Variants in FUBP3 observed in about 807,000 individuals in gnomAD.
FUBP3 encodes far upstream element-binding protein 3.
Under a neutral mutation model 85.6 loss-of-function variants are expected in FUBP3, and 28 were observed. The observed-to-expected ratio is 0.33, with a 90% CI of 0.24 to 0.45. FUBP3 has a LOEUF of 0.45. FUBP3 is among the 20% of genes least tolerant of loss of function. The pLI, the probability that FUBP3 is intolerant of heterozygous loss-of-function variation, is 1.00. For missense variants in FUBP3, 583 were observed against 755.1 expected (o/e 0.77, Z 2.67); for synonymous variants, 271 against 271.4 (o/e 1.00, Z 0.01).
intron 6 of FUBP3, among the ~76,000 whole-genome samples, chr9:130,614,915 T>A (rs1407214115): frequency 6.6e-6 from 1 of 152,164 alleles, no homozygotes; most frequent in Admixed American, 6.5e-5. Flanking sequence ...CTCAGAACCT[T>A]ATACCAGGTG....
chr9:130,599,952 T>G (rs1231377381), intron 2 of FUBP3, among the ~76,000 whole-genome samples: 1 of 152,070 alleles, frequency 6.6e-6, no homozygotes, highest in Non-Finnish European at 1.5e-5. Flanking sequence ...GTCTCCTCTC[T>G]CCCCTCACCC....
intron 1 of FUBP3, among the ~76,000 whole-genome samples, chr9:130,591,998 G>A (rs1409202363): frequency 6.6e-6 from 1 of 152,162 alleles, no homozygotes; most frequent in Non-Finnish European, 1.5e-5. Context: ...TTGGGAGGCC[G>A]AAGCAGGTGG....
At chr9:130,606,724 G>A (rs1831471135) in intron 2 of FUBP3, among the ~76,000 whole-genome samples, 1 of 152,064 alleles carries the variant, frequency 6.6e-6, no homozygotes. Flanking sequence ...GGAAGCTGAG[G>A]TAGGAGAATC....
At chr9:130,614,416 CAACACTGTTACTG>C (rs1310733314) in intron 6 of FUBP3, 71 bp downstream of exon 6, 2 of 933,820 alleles carry the variant, frequency 2.1e-6, no homozygotes, top group African/African-American at 3.2e-5. Context: ...AATGGAAGGG[CAACACTGTTACTG>C]AACACTGAGT....
intron 2 of FUBP3, among the ~76,000 whole-genome samples, chr9:130,599,930 G>C (rs1831070080): frequency 6.6e-6 from 1 of 152,036 alleles, no homozygotes; most frequent in African/African-American, 2.4e-5. Context: ...CTGTGTAGCA[G>C]CCTGGCTGCC....
intron 2 of FUBP3, among the ~76,000 whole-genome samples, chr9:130,609,131 C>A (rs906022708): frequency 3.9e-5 from 6 of 152,172 alleles, no homozygotes; most frequent in Non-Finnish European, 8.8e-5. Flanking sequence ...TCCTGAGCTG[C>A]ATTTTCCAAA....
chr9:130,627,526 G>A (rs185211916), intron 12 of FUBP3, among the ~76,000 whole-genome samples: 25 of 152,328 alleles, frequency 1.6e-4, no homozygotes, highest in African/African-American at 3.8e-4. Context: ...AGCTGCCCTC[G>A]TCCCTGCTCA....
intron 1 of FUBP3, among the ~76,000 whole-genome samples, chr9:130,594,108 T>C (rs953722617): frequency 1.3e-5 from 2 of 152,128 alleles, no homozygotes; most frequent in South Asian, 2.1e-4. Flanking sequence ...CATTAAAGTT[T>C]ATAGGATGGG....
chr9:130,629,304 C>T (rs1446960057), intron 12 of FUBP3, among the ~76,000 whole-genome samples: 1 of 152,122 alleles, frequency 6.6e-6, no homozygotes, highest in African/African-American at 2.4e-5. Context: ...TCCAGCGGGA[C>T]CTTAAGGAAA....
rs1163408201 is a variant in FUBP3 at position 130,612,994 on chromosome 9, G to A, written c.313G>A (p.Ala105Thr). The A allele has an allele frequency of 8.1e-6, 13 of 1,612,934 alleles. No homozygotes were observed. In the East Asian group the frequency reaches 2.9e-4, roughly 36 times the overall value. The change falls in exon 5 of 19, where the codon GCA becomes ACA. Residue 105 changes from alanine (A) to threonine (T), a missense_variant. Transcript: ENST00000319725. This position sits in a 1 kb window ranked among gnomAD's most constrained non-coding sequence, Gnocchi z 4.1. The part of the protein sequence containing the change: ...RGGEQISRIQ[A>T]ESGCKIQIAS... ...AGGTGAGCAGATTTCACGGATTCAA[G>A]CAGAATCTGGTTGCAAAATTCAGAT...
chr9:130,590,406 G>A (rs1478497961), intron 1 of FUBP3, among the ~76,000 whole-genome samples: 1 of 152,146 alleles, frequency 6.6e-6, no homozygotes, highest in Non-Finnish European at 1.5e-5. Flanking sequence ...CTAACTACTG[G>A]TAGTTAAGTG....
At chr9:130,586,305 TA>T (rs768518238) in intron 1 of FUBP3, among the ~76,000 whole-genome samples, 3 of 152,262 alleles carry the variant, frequency 2.0e-5, no homozygotes, top group Non-Finnish European at 4.4e-5. Context: ...AGTGCAAAGA[TA>T]AGTAAGACAA....
chr9:130,582,112 G>A (rs560117999), intron 1 of FUBP3: 20 of 152,302 alleles, frequency 1.3e-4, no homozygotes, highest in African/African-American at 4.8e-4. Flanking sequence ...GTGAGTTAAT[G>A]TTTGGCACAA....
rs201274970 is a variant in FUBP3, at chr9:130,595,563, A to G, written c.165A>G (p.Val55=). The G allele has an allele frequency of 9.3e-4, 1,456 of 1,557,578 alleles. 2 individuals are homozygous for G. Among genetic ancestry groups the G allele is most frequent in the Non-Finnish European group, 1.2e-3 (1,391 of 1,128,460 alleles). ...LVDPSVYGYG[V]QKRPLDDGVG... ...ACCCCTCAGTATATGGATACGGAGT[A>G]CAAAAACGGCCCTTGGATGATGGAG... The change falls in exon 2 of 19, where the codon GTA becomes GTG. Residue 55 remains valine, a synonymous_variant. Coordinates refer to ENST00000319725, the MANE Select transcript of FUBP3 (RefSeq NM_003934.2).
At chr9:130,632,118 G>A in intron 15 of FUBP3, 84 bp from the exon 16 acceptor site, 1 of 1,440,704 alleles carries the variant, frequency 6.9e-7, no homozygotes, top group Non-Finnish European at 9.8e-7. Flanking sequence ...GCTTGGCTGG[G>A]GTGAGGGAGG....
At chr9:130,605,123 A>G (rs947970421) in intron 2 of FUBP3, among the ~76,000 whole-genome samples, 3 of 152,204 alleles carry the variant, frequency 2.0e-5, no homozygotes, top group African/African-American at 7.2e-5. Flanking sequence ...GGCGTAAATG[A>G]AAGTAAAGCT....
rs35428077 is a variant in FUBP3 at position 130,622,630 on chromosome 9, CAAAAAA to C, written c.772-68_772-63del. ...TGGGCAACAGAGCGAGACTCAGTCT[CAAAAAA>C]AAAAAAAAAGTGCCCTTTAAAAAGA... is the stretch of plus-strand genomic sequence containing the variant. On this transcript the variant is annotated intron_variant, in intron 9 of 18. Coordinates refer to ENST00000319725, the MANE Select transcript of FUBP3 (RefSeq NM_003934.2). The C allele has an allele frequency of 3.0e-5, 15 of 507,836 alleles. No homozygotes were observed. In the South Asian group the frequency reaches 4.2e-4, roughly 14 times the overall value. The allele number at this position is 507,836 out of a possible 1,614,324, so 31.5% of individuals were successfully genotyped here.
intron 13 of FUBP3, 72 bp from the exon 14 acceptor site, chr9:130,631,485 C>G: frequency 6.9e-7 from 1 of 1,442,598 alleles, no homozygotes; most frequent in South Asian, 1.2e-5. Flanking sequence ...GGCTTTGCCT[C>G]GGGGTGGGCC....
intron 1 of FUBP3, among the ~76,000 whole-genome samples, chr9:130,582,470 GAAAA>G (rs879508622): frequency 4.5e-4 from 68 of 150,880 alleles, no homozygotes; most frequent in Non-Finnish European, 6.9e-4. Flanking sequence ...AAAAGAAAAA[GAAAA>G]AGAAAGAAAT....
Sources: allele counts gnomAD v4.1 joint callset (sites outside exome capture counted in the v4.1 genomes callset), GRCh38; gene constraint gnomAD v4.1.1; non-coding constraint Gnocchi (gnomAD v3.1); transcripts MANE v1.5; gene names NCBI Gene and HGNC (gene_info 2026-07-23, HGNC 2026-07-21).